Variants in SPTLC3 observed in about 807,000 individuals in gnomAD.
SPTLC3 encodes serine palmitoyltransferase long chain base subunit 3, also known as serine palmitoyltransferase 3.
In SPTLC3, 36 loss-of-function variants were observed where a neutral mutation model predicts 59.3. That is an observed-to-expected ratio of 0.61 (90% CI 0.47 to 0.80). The LOEUF (loss-of-function observed/expected upper bound fraction) is 0.80, where lower values mean the gene tolerates loss of function less well. Ranked by LOEUF, SPTLC3 falls within the 30% of genes least tolerant of loss-of-function variation. SPTLC3 has a pLI of 0.00. For missense variants in SPTLC3, 625 were observed against 685.1 expected (o/e 0.91, Z 0.98); for synonymous variants, 257 against 240.8 (o/e 1.07, Z -0.62).
chr20:13,137,383 T>C (rs1189030204), intron 9 of SPTLC3, among the ~76,000 whole-genome samples: 1 of 152,176 alleles, frequency 6.6e-6, no homozygotes, highest in African/African-American at 2.4e-5. Context: ...CCTCTTTTCC[T>C]TTGGGTTTTG....
chr20:13,046,401 TTTC>T lies in SPTLC3; in HGVS notation c.118-2538_118-2536del, dbSNP rs1315592925. ...AAGCAGCCCTCCTTCCAAGTCCTTC[TTTC>T]TTCTTATCAACAATACTATACTGCT... On this transcript the variant is annotated intron_variant, in intron 1 of 11. Coordinates refer to ENST00000399002, the MANE Select transcript of SPTLC3 (RefSeq NM_018327.4). Among the ~76,000 whole-genome samples the T allele has an allele frequency of 2.0e-5, 3 of 152,218 alleles. No homozygotes were observed. The South Asian group carries it at 6.2e-4, about 32-fold the overall frequency.
chr20:13,036,557 T>C (rs578075381), intron 1 of SPTLC3, among the ~76,000 whole-genome samples: 130 of 152,268 alleles, frequency 8.5e-4, no homozygotes, highest in Middle Eastern at 3.4e-3. Flanking sequence ...AATCTGCTAT[T>C]CATCAGTAAG....
At chr20:13,093,648 C>T (rs41275396) in intron 6 of SPTLC3, 71 bp downstream of exon 6, 61,222 of 1,377,880 alleles carry the variant, frequency 0.044, 1,619 homozygotes, top group South Asian at 0.079. Context: ...ATTGATGAGG[C>T]TTTGTTCTGC....
chr20:13,010,022 G>A (rs1985150562), intron 1 of SPTLC3, among the ~76,000 whole-genome samples: 1 of 150,528 alleles, frequency 6.6e-6, no homozygotes, highest in Non-Finnish European at 1.5e-5. Flanking sequence ...AAACAAACTT[G>A]TATTTTCCAA....
At chr20:13,126,826 G>A in intron 9 of SPTLC3, 109 bp downstream of exon 9, 3 of 1,394,336 alleles carry the variant, frequency 2.2e-6, no homozygotes, top group Non-Finnish European at 1.9e-6. Context: ...AACCCTATTT[G>A]TAAATCAAGC....
chr20:13,110,323 G>T, intron 7 of SPTLC3, 106 bp downstream of exon 7: 1 of 939,834 alleles, frequency 1.1e-6, no homozygotes, highest in Admixed American at 2.7e-5. Context: ...ACTTAGAATT[G>T]GTTATATGAC....
At chr20:13,013,634 T>C (rs1985369089) in intron 1 of SPTLC3, among the ~76,000 whole-genome samples, 1 of 152,216 alleles carries the variant, frequency 6.6e-6, no homozygotes. Context: ...GCTCATCATT[T>C]ATAAAGCATT....
intron 10 of SPTLC3, among the ~76,000 whole-genome samples, chr20:13,159,782 C>T (rs2038854304): frequency 6.6e-6 from 1 of 152,030 alleles, no homozygotes; most frequent in South Asian, 2.1e-4. Context: ...CATAATACCA[C>T]ACACACACCA....
chr20:13,115,318 C>G (rs1305973396), intron 7 of SPTLC3, among the ~76,000 whole-genome samples: 1 of 151,972 alleles, frequency 6.6e-6, no homozygotes, highest in Non-Finnish European at 1.5e-5. Context: ...CTGTGTGTGC[C>G]CTGCATTAAC....
chr20:13,076,919 T>C (rs888959869), intron 4 of SPTLC3, among the ~76,000 whole-genome samples: 2 of 152,142 alleles, frequency 1.3e-5, no homozygotes, highest in African/African-American at 4.8e-5. Flanking sequence ...CTGTAAATGT[T>C]AAAACTGAGC....
chr20:13,095,639 A>C (rs1337571014), intron 6 of SPTLC3, among the ~76,000 whole-genome samples: 1 of 152,156 alleles, frequency 6.6e-6, no homozygotes, highest in Admixed American at 6.5e-5. Flanking sequence ...GGTTGGGGCC[A>C]AAACACCTGC....
chr20:13,086,695 A>C (rs1217739925), intron 4 of SPTLC3, among the ~76,000 whole-genome samples: 1 of 152,160 alleles, frequency 6.6e-6, no homozygotes, highest in Non-Finnish European at 1.5e-5. Flanking sequence ...GGAAATCCTG[A>C]AAAAGGACTG....
chr20:13,117,451 C>G (rs1990621898), intron 7 of SPTLC3, 55 bp from the exon 8 acceptor site: 1 of 1,478,374 alleles, frequency 6.8e-7, no homozygotes, highest in African/African-American at 1.4e-5. Flanking sequence ...GGGAAACTGA[C>G]AGAGCTTCCC....
At chr20:13,095,029 CTCAAATCTTT>C (rs1295830344) in intron 6 of SPTLC3, among the ~76,000 whole-genome samples, 1 of 152,204 alleles carries the variant, frequency 6.6e-6, no homozygotes, top group African/African-American at 2.4e-5. Context: ...CACATCTAGA[CTCAAATCTTT>C]GGCAGTGTTG....
At chr20:13,154,268 C>G in intron 10 of SPTLC3, 130 bp downstream of exon 10, 1 of 1,158,980 alleles carries the variant, frequency 8.6e-7, no homozygotes. Context: ...TACGGCTTCT[C>G]GGAAGCCACC....
intron 8 of SPTLC3, among the ~76,000 whole-genome samples, chr20:13,117,945 T>C (rs1230127639): frequency 6.6e-6 from 1 of 152,120 alleles, no homozygotes; most frequent in African/African-American, 2.4e-5. Context: ...GATCACACTA[T>C]AATGAAATGG....
At chr20:13,164,277 G>A (rs546494878) in intron 11 of SPTLC3, 93 of 459,660 alleles carry the variant, frequency 2.0e-4, no homozygotes, top group Non-Finnish European at 3.4e-4. Context: ...GTATTTAAAA[G>A]CAGGAGGCCT....
chr20:13,010,379 G>A (rs1600197797), intron 1 of SPTLC3, among the ~76,000 whole-genome samples: 2 of 152,180 alleles, frequency 1.3e-5, no homozygotes, highest in East Asian at 1.9e-4. Flanking sequence ...TAAGATCACA[G>A]GACAGGTGGG....
intron 10 of SPTLC3, among the ~76,000 whole-genome samples, chr20:13,155,127 C>G (rs2038738090): frequency 6.6e-6 from 1 of 151,742 alleles, no homozygotes; most frequent in Non-Finnish European, 1.5e-5. Context: ...GTTGCATGAG[C>G]AGAGATTGTG....
Sources: allele counts gnomAD v4.1 joint callset (sites outside exome capture counted in the v4.1 genomes callset), GRCh38; gene constraint gnomAD v4.1.1; transcripts MANE v1.5; gene names NCBI Gene and HGNC (gene_info 2026-07-23, HGNC 2026-07-21).